The following NPDC1 variants were observed in gnomAD, a reference collection of about 807,000 sequenced individuals.
The protein encoded by NPDC1 is neural proliferation differentiation and control protein 1.
In NPDC1, 18 loss-of-function variants were observed where a neutral mutation model predicts 32.5. The ratio of observed to expected loss-of-function variants is 0.55; its 90% CI spans 0.38 to 0.82. The LOEUF is 0.82. Among genes scored for constraint, NPDC1 ranks in the 40% least tolerant of loss-of-function variants. The pLI is 0.00. For synonymous variants in NPDC1, 210 were observed against 184.7 expected, an observed-to-expected ratio of 1.14 and a Z score of -1.11; for missense variants, 468 against 406.6, an observed-to-expected ratio of 1.15 and a Z score of -1.30.
At position 137,040,868 on chromosome 9, in the gene NPDC1, C is replaced by A; in HGVS notation, c.502G>T (p.Val168Leu). ...SLGSPVSSDP[V>L]HMSPLEPRGG... Reference sequence around the variant, plus strand: ...CGGGGCTCCAGGGGCGACATGTGCACCGGGTCGGATGACACAGGGGAGCCC... The same window carrying A: ...CGGGGCTCCAGGGGCGACATGTGCAACGGGTCGGATGACACAGGGGAGCCC... Residue 168 changes from valine (V) to leucine (L), a missense_variant, in exon 4 of 9, where the codon GTG (valine) becomes TTG (leucine). Physicochemically the swap from Val to Leu is conservative, Grantham distance 32. Coordinates refer to ENST00000371601, the MANE Select transcript of NPDC1 (RefSeq NM_015392.4). The A allele has an allele frequency of 5.0e-6, 8 of 1,599,410 alleles. No homozygotes were observed. Among genetic ancestry groups the A allele is most frequent in the Non-Finnish European group, 6.8e-6 (8 of 1,176,018 alleles).
chr9:137,045,294 G>A (rs1832113299), intron 1 of NPDC1, among the ~76,000 whole-genome samples: 1 of 152,260 alleles, frequency 6.6e-6, no homozygotes, highest in African/African-American at 2.4e-5. Flanking sequence ...CTCTGAGGCT[G>A]CAACAGTCTC....
chr9:137,039,837 G>C lies in NPDC1; in HGVS notation c.913C>G (p.Leu305Val), dbSNP rs771718026. The change falls in exon 9 of 9, where the codon CTG becomes GTG. Residue 305 changes from leucine (L) to valine (V), a missense_variant. Coordinates refer to ENST00000371601, the MANE Select transcript of NPDC1 (RefSeq NM_015392.4). ...GCGGACAGTGCGGCGTGGTCGAACAGAGGGTTGCGCACCTCCATTTCCCCG... is the reference window on the plus strand; with the variant it reads ...GCGGACAGTGCGGCGTGGTCGAACACAGGGTTGCGCACCTCCATTTCCCCG... Reference protein sequence around the residue: ...PTGEMEVRNPLFDHAALSAPL... With the variant: ...PTGEMEVRNPVFDHAALSAPL... The C allele has an allele frequency of 2.6e-6, 2 of 779,390 alleles. No individual in the cohort carries two copies. Among genetic ancestry groups the C allele is most frequent in the Non-Finnish European group, 4.8e-6 (2 of 417,992 alleles). The allele number at this position is 779,390 out of a possible 1,614,324, so 48.3% of individuals were successfully genotyped here.
Position 137,041,204 on chromosome 9 carries a change from G to T in NPDC1, c.260-17C>A. ...GGCCCCCGCCTGGGGAGGGTGAGGG[G>T]CCATCAGGTGGAGGGGTCCGTCCAG... On this transcript the variant is annotated splice_polypyrimidine_tract_variant and intron_variant, in intron 2 of 8. Coordinates refer to ENST00000371601, the MANE Select transcript of NPDC1 (RefSeq NM_015392.4). The T allele has an allele frequency of 7.0e-7, 1 of 1,423,720 alleles. No homozygotes were observed. Among genetic ancestry groups the T allele is most frequent in the South Asian group, 1.6e-5 (1 of 62,452 alleles). 88.2% of individuals were successfully genotyped at this position (1,423,720 alleles called of 1,614,324 possible).
chr9:137,041,304 G>T (rs1832048551), intron 2 of NPDC1, 117 bp from the exon 3 acceptor site: 1 of 1,141,742 alleles, frequency 8.8e-7, no homozygotes, highest in East Asian at 3.2e-5. Context: ...TACACGCCTG[G>T]AGGCCCTCTC....
At chr9:137,041,013 G>T in intron 3 of NPDC1, 29 bp from the exon 4 acceptor site, 1 of 1,524,470 alleles carries the variant, frequency 6.6e-7, no homozygotes, top group East Asian at 2.3e-5. Context: ...TAGAATGAGA[G>T]CACTGGGCTA....
Position 137,040,751 on chromosome 9 carries a change from C to T in NPDC1, c.557-14G>A, listed in dbSNP as rs1381532653. 3.2e-5 allele frequency: 50 copies of T among 1,586,288 alleles called. No individual in the cohort carries two copies. The highest frequency in any genetic ancestry group is 4.5e-5 in the South Asian group (4 of 88,150). ...CCAGGATCAGCACTGCAGGAGGGGGCGTGTGAGGGCGGCCTTCTGCAGGGC... is the reference window on the plus strand; with the variant it reads ...CCAGGATCAGCACTGCAGGAGGGGGTGTGTGAGGGCGGCCTTCTGCAGGGC... On this transcript the variant is annotated splice_polypyrimidine_tract_variant and intron_variant, in intron 4 of 8. Coordinates refer to ENST00000371601, the MANE Select transcript of NPDC1 (RefSeq NM_015392.4).
chr9:137,045,842 G>A, intron 1 of NPDC1, 36 bp downstream of exon 1: 1 of 995,742 alleles, frequency 1.0e-6, no homozygotes, highest in Non-Finnish European at 1.2e-6. Flanking sequence ...CCGGCCCCGG[G>A]GCGCCCCGCG....
chr9:137,041,518 C>T (rs1832055546), intron 2 of NPDC1, among the ~76,000 whole-genome samples: 1 of 152,164 alleles, frequency 6.6e-6, no homozygotes, highest in South Asian at 2.1e-4. Context: ...CCTCCAAGCA[C>T]CTTCTCGGGT....
chr9:137,040,477 T>G (rs1226711627), intron 6 of NPDC1, 37 bp downstream of exon 6: 1 of 1,575,764 alleles, frequency 6.3e-7, no homozygotes, highest in Admixed American at 1.8e-5. Flanking sequence ...GCGGCCAGAG[T>G]TGGGCGGGAG....
At chr9:137,042,888 G>A (rs957471734) in intron 2 of NPDC1, 39 bp downstream of exon 2, 1 of 1,559,480 alleles carries the variant, frequency 6.4e-7, no homozygotes, top group Admixed American at 1.9e-5. Flanking sequence ...GGTTCATGCA[G>A]GGACATCCCC....
At position 137,040,740 on chromosome 9, in the gene NPDC1, G is replaced by A. The variant is rs773269509; in HGVS notation, c.557-3C>T. 6.3e-7 allele frequency: 1 copy of A among 1,588,006 alleles called. No homozygotes were observed. The highest frequency in any genetic ancestry group is 1.1e-5 in the South Asian group (1 of 88,182). ...CACACAGAACGCCAGGATCAGCACT[G>A]CAGGAGGGGGCGTGTGAGGGCGGCC... On this transcript the variant is annotated splice_region_variant and splice_polypyrimidine_tract_variant and intron_variant, in intron 4 of 8. Coordinates refer to ENST00000371601, the MANE Select transcript of NPDC1 (RefSeq NM_015392.4).
At chr9:137,041,532 G>A (rs1446782721) in intron 2 of NPDC1, among the ~76,000 whole-genome samples, 1 of 152,190 alleles carries the variant, frequency 6.6e-6, no homozygotes, top group Admixed American at 6.5e-5. Flanking sequence ...CTCGGGTAGA[G>A]GGGCAGGGAC....
chr9:137,039,918 G>A, intron 8 of NPDC1, 53 bp downstream of exon 8: 1 of 778,846 alleles, frequency 1.3e-6, no homozygotes, highest in South Asian at 1.3e-5. Context: ...GATACTTGCT[G>A]GGAGGGAACC....
chr9:137,042,504 G>A (rs1390680080), intron 2 of NPDC1, among the ~76,000 whole-genome samples: 5 of 148,338 alleles, frequency 3.4e-5, no homozygotes, highest in East Asian at 2.0e-4. Flanking sequence ...TGATGTGCCC[G>A]CCTCGGCCTC....
intron 2 of NPDC1, among the ~76,000 whole-genome samples, chr9:137,042,469 G>A (rs1185201314): frequency 6.6e-6 from 1 of 151,976 alleles, no homozygotes; most frequent in African/African-American, 2.4e-5. Context: ...GTGTTAGCCA[G>A]GATGGTCTCG....
At chr9:137,041,840 G>A (rs1010436067) in intron 2 of NPDC1, among the ~76,000 whole-genome samples, 3 of 152,252 alleles carry the variant, frequency 2.0e-5, no homozygotes, top group Non-Finnish European at 4.4e-5. Flanking sequence ...TCAGTGACTG[G>A]CCATCCCGAC....
At chr9:137,043,772 G>C (rs1233742670) in intron 1 of NPDC1, 1 of 231,376 alleles carries the variant, frequency 4.3e-6, no homozygotes, top group Non-Finnish European at 8.5e-6. Context: ...GGGGATGGCA[G>C]GCCAGGCCCT....
chr9:137,045,799 G>A, intron 1 of NPDC1, 79 bp downstream of exon 1: 2 of 923,716 alleles, frequency 2.2e-6, no homozygotes, highest in Non-Finnish European at 2.6e-6. Flanking sequence ...CGAGGGCGGC[G>A]GCGCCCGGCA....
chr9:137,040,697 G>T lies in NPDC1; in HGVS notation c.597C>A (p.Leu199=). 6.3e-7 allele frequency: 1 copy of T among 1,586,300 alleles called. No homozygotes were observed. Residue 199 remains leucine (L), a synonymous_variant, in exon 5 of 9, where the codon CTC becomes CTA. Transcript: ENST00000371601. ...LAFCVAGAAA[L]SVASLCWCRL... ...TGCACCAGCAGAGGGAGGCTACGGA[G>T]AGGGCGGCTGCACCGGCCACACAGA...
Sources: gnomAD v4.1 joint callset for allele counts (sites outside exome capture counted in the v4.1 genomes callset) on GRCh38, gnomAD v4.1.1 for gene constraint, MANE v1.5 for transcripts, NCBI Gene and HGNC (gene_info 2026-07-23, HGNC 2026-07-21) for gene names.